POFUT4: variants seen among roughly 807,000 people sequenced by gnomAD.
POFUT4 encodes protein O-fucosyltransferase 4.
At chr10:73,772,307 G>T in the POFUT4 span, 2 of 1,412,418 alleles carry the variant, frequency 1.4e-6, no homozygotes, top group African/African-American at 1.5e-5. Flanking sequence ...GGTGCTGGCC[G>T]AGGGGGCGCC....
the POFUT4 span, among the ~76,000 whole-genome samples, chr10:73,778,062 C>T: frequency 6.6e-6 from 1 of 150,466 alleles, no homozygotes; most frequent in Non-Finnish European, 1.5e-5. Flanking sequence ...CAGGGTTTTG[C>T]CATGTTGGCC....
the POFUT4 span, chr10:73,773,829 G>A: frequency 6.5e-7 from 1 of 1,545,706 alleles, no homozygotes. Flanking sequence ...AGAGTGCTGG[G>A]GTCCCCTGCA....
At chr10:73,772,569 T>C in the POFUT4 span, 5 of 1,588,582 alleles carry the variant, frequency 3.1e-6, no homozygotes, top group Non-Finnish European at 4.3e-6. Context: ...CCGGTACTGC[T>C]GTGGTGGAGC....
chr10:73,774,875 T>C, the POFUT4 span: 1 of 156,434 alleles, frequency 6.4e-6, no homozygotes. Flanking sequence ...GGTGATAAGA[T>C]TATTAAGCTG....
At chr10:73,772,868 C>A in the POFUT4 span, 1 of 1,612,398 alleles carries the variant, frequency 6.2e-7, no homozygotes, top group Non-Finnish European at 8.5e-7. Flanking sequence ...GGATTACCCG[C>A]TGTCGCTGCA....
chr10:73,775,883 A>T, the POFUT4 span: 1 of 580,872 alleles, frequency 1.7e-6, no homozygotes, highest in Non-Finnish European at 3.0e-6. Flanking sequence ...TCAAGGAGAG[A>T]TGGAGGGATA....
At chr10:73,772,983 A>T in the POFUT4 span, 1 of 1,599,002 alleles carries the variant, frequency 6.3e-7, no homozygotes, top group Non-Finnish European at 8.5e-7. Context: ...CTGCAGTCAC[A>T]CTGCGACGTG....
the POFUT4 span, chr10:73,773,167 C>T: frequency 3.2e-6 from 5 of 1,584,610 alleles, no homozygotes; most frequent in East Asian, 2.2e-5. Context: ...ACCCTCATGA[C>T]AGCCTTACTG....
At chr10:73,772,465 C>T in the POFUT4 span, 18 of 1,552,646 alleles carry the variant, frequency 1.2e-5, no homozygotes, top group East Asian at 4.1e-4. Flanking sequence ...CGTGGGATGG[C>T]GCGGTTTTCC....
chr10:73,775,456 A>G, the POFUT4 span: 1 of 1,613,874 alleles, frequency 6.2e-7, no homozygotes, highest in Non-Finnish European at 8.5e-7. Context: ...TATCTGCTTA[A>G]GATTTCTTTG....
chr10:73,780,114 T>C, the POFUT4 span: 1 of 152,256 alleles, frequency 6.6e-6, no homozygotes, highest in Non-Finnish European at 1.5e-5. Context: ...TTATTGGTGA[T>C]AGAAATGTCT....
At chr10:73,773,959 G>T in the POFUT4 span, 1 of 895,890 alleles carries the variant, frequency 1.1e-6, no homozygotes, top group East Asian at 2.7e-5. Flanking sequence ...CAACAGTCTA[G>T]TTGGGGGGAT....
chr10:73,775,225 T>C, the POFUT4 span: 1 of 604,046 alleles, frequency 1.7e-6, no homozygotes, highest in African/African-American at 1.9e-5. Flanking sequence ...CTTGCTTTCC[T>C]TATGGAGACT....
chr10:73,773,614 CTT>C, the POFUT4 span: 2 of 1,614,236 alleles, frequency 1.2e-6, no homozygotes. Context: ...GTGAATGATC[CTT>C]TGCTGCCTAA....
the POFUT4 span, chr10:73,775,256 T>C: frequency 6.1e-6 from 4 of 656,580 alleles, no homozygotes; most frequent in East Asian, 2.7e-5. Flanking sequence ...GTCTGGCCTC[T>C]GCTTTGCCTG....
At chr10:73,773,512 A>G in the POFUT4 span, 9 of 1,614,246 alleles carry the variant, frequency 5.6e-6, no homozygotes, top group Non-Finnish European at 7.6e-6. Flanking sequence ...GACAAGAATG[A>G]TGAGGAGTAT....
At chr10:73,773,554 G>T in the POFUT4 span, 1 of 1,614,252 alleles carries the variant, frequency 6.2e-7, no homozygotes, top group South Asian at 1.1e-5. Flanking sequence ...CAACCTGGGG[G>T]CATCACCAAC....
At chr10:73,774,963 C>T in the POFUT4 span, 1 of 173,750 alleles carries the variant, frequency 5.8e-6, no homozygotes, top group Non-Finnish European at 1.2e-5. Flanking sequence ...TTAACAGATG[C>T]TGCTGGCAGT....
chr10:73,775,682 C>CT, the POFUT4 span: 4 of 1,614,186 alleles, frequency 2.5e-6, no homozygotes, highest in Non-Finnish European at 3.4e-6. Flanking sequence ...GGCAACATCT[C>CT]TAAGTGCCCT....
Sources: allele counts gnomAD v4.1 joint callset (sites outside exome capture counted in the v4.1 genomes callset), GRCh38; gene constraint gnomAD v4.1.1; transcripts MANE v1.5; gene names NCBI Gene and HGNC (gene_info 2026-07-23, HGNC 2026-07-21).